KIF18A: variants seen among roughly 807,000 people sequenced by gnomAD.
KIF18A encodes the protein kinesin-like protein KIF18A.
In KIF18A, 67 loss-of-function variants were observed where a neutral mutation model predicts 103.3. The observed-to-expected ratio is 0.65, with a 90% CI of 0.53 to 0.79. The LOEUF (loss-of-function observed/expected upper bound fraction) is 0.79. Among genes scored for constraint, KIF18A ranks in the 30% least tolerant of loss-of-function variants. The pLI, the probability that KIF18A is intolerant of heterozygous loss-of-function variation, is 0.00. For synonymous variants in KIF18A, 367 were observed against 355.5 expected (o/e 1.03, Z -0.36); for missense variants, 1,032 against 1,062.5 (o/e 0.97, Z 0.40).
At chr11:28,066,782 A>AATTCT (rs1554972590) in intron 11 of KIF18A, among the ~76,000 whole-genome samples, 1 of 142,450 alleles carries the variant, frequency 7.0e-6, no homozygotes, top group Non-Finnish European at 1.5e-5. Context: ...CTGGAAGAGA[A>AATTCT]ATTATATTAT....
intron 13 of KIF18A, among the ~76,000 whole-genome samples, chr11:28,044,919 C>T (rs892830161): frequency 5.9e-5 from 9 of 151,900 alleles, no homozygotes; most frequent in Non-Finnish European, 1.2e-4. Context: ...ACAGTGAAAT[C>T]ATAATGAAAA....
At chr11:28,097,133 C>T (rs1851386146) in intron 2 of KIF18A, among the ~76,000 whole-genome samples, 1 of 151,878 alleles carries the variant, frequency 6.6e-6, no homozygotes, top group Non-Finnish European at 1.5e-5. Flanking sequence ...AGTGTAGTAC[C>T]CCATAGGTAG....
chr11:28,053,711 T>C (rs932407908), intron 13 of KIF18A, among the ~76,000 whole-genome samples: 1 of 151,820 alleles, frequency 6.6e-6, no homozygotes, highest in Non-Finnish European at 1.5e-5. Flanking sequence ...TGTGTCCATG[T>C]GTTCTCCGAG....
chr11:28,057,488 C>G (rs560594093), intron 13 of KIF18A, among the ~76,000 whole-genome samples: 2 of 152,102 alleles, frequency 1.3e-5, no homozygotes, highest in South Asian at 4.2e-4. Flanking sequence ...GCACTCCAGC[C>G]TGGGTGACAG....
chr11:28,083,388 AG>A (rs1851189694), intron 7 of KIF18A, 145 bp from the exon 8 acceptor site: 1 of 872,616 alleles, frequency 1.1e-6, no homozygotes, highest in Non-Finnish European at 1.6e-6. Flanking sequence ...ATCTATGACA[AG>A]AGGATCTGCT....
intron 6 of KIF18A, among the ~76,000 whole-genome samples, chr11:28,087,875 T>A (rs546111087): frequency 6.6e-6 from 1 of 152,216 alleles, no homozygotes; most frequent in Non-Finnish European, 1.5e-5. Context: ...AGCTAAAGCT[T>A]TCGAGTATGG....
Position 28,035,441 on chromosome 11 carries a change from A to T in KIF18A, c.2450T>A (p.Val817Glu), listed in dbSNP as rs1469129303. 1.2e-6 allele frequency: 2 copies of T among 1,604,278 alleles called. No individual in the cohort carries two copies. Among genetic ancestry groups the T allele is most frequent in the South Asian group, 1.1e-5 (1 of 89,098 alleles). ...TKHSMPVPSM[V>E]PSYMAMTTAA... ...AGTAGTCATTGCCATGTAGGATGGC[A>T]CCATGCTTGGTACAGGCATAGAATG... The change falls in exon 15 of 17, where the codon GTG (valine) becomes GAG (glutamate). Residue 817 changes from valine (V) to glutamate (E), a missense_variant. Physicochemically the swap from Val to Glu is moderately radical, Grantham distance 121. Coordinates refer to ENST00000263181, the MANE Select transcript of KIF18A (RefSeq NM_031217.4).
At chr11:28,077,314 C>G in intron 9 of KIF18A, 145 bp from the exon 10 acceptor site, 1 of 513,596 alleles carries the variant, frequency 1.9e-6, no homozygotes, top group Non-Finnish European at 3.3e-6. Flanking sequence ...GTAAAAATGA[C>G]TATTTCCTAT....
In KIF18A at chr11:28,097,665, T is replaced by C. The variant is rs770587385; in HGVS notation, c.283A>G (p.Lys95Glu). 2 of 1,611,528 alleles carry C rather than the reference T, an allele frequency of 1.2e-6. No homozygotes were observed. The highest frequency in any genetic ancestry group is 1.7e-6 in the Non-Finnish European group (2 of 1,178,144). ...TTCAAAAAACTACGAAGAATTGGCT[T>C]AGTAGTGTGTTCAAAAACTTCTGAC... ...TQSEVFEHTT[K>E]PILRSFLNGY... The change falls in exon 2 of 17, where the codon AAG (lysine) becomes GAG (glutamate). Residue 95 changes from lysine (K) to glutamate (E), a missense_variant. By Grantham distance (56) the Lys-to-Glu change is moderately conservative. Coordinates refer to ENST00000263181, the MANE Select transcript of KIF18A (RefSeq NM_031217.4).
intron 3 of KIF18A, among the ~76,000 whole-genome samples, chr11:28,093,038 C>A (rs755353689): frequency 6.6e-6 from 1 of 152,138 alleles, no homozygotes; most frequent in Non-Finnish European, 1.5e-5. Context: ...AGTGTGAGGC[C>A]TAGGCCTATT....
intron 13 of KIF18A, among the ~76,000 whole-genome samples, chr11:28,057,864 C>A (rs1273560128): frequency 1.3e-5 from 2 of 151,988 alleles, no homozygotes. Flanking sequence ...CATGTATGCA[C>A]CCTAAAAATG....
chr11:28,078,587 T>C (rs1179763663), intron 9 of KIF18A, among the ~76,000 whole-genome samples: 2 of 152,126 alleles, frequency 1.3e-5, no homozygotes, highest in Admixed American at 1.3e-4. Flanking sequence ...TAAGCAAACA[T>C]TCAAGTTAAA....
At chr11:28,021,608 T>C (rs900238544) in intron 16 of KIF18A, among the ~76,000 whole-genome samples, 13 of 152,204 alleles carry the variant, frequency 8.5e-5, no homozygotes, top group African/African-American at 3.1e-4. Flanking sequence ...CATTTCTTCA[T>C]TTTCTTTGTT....
intron 2 of KIF18A, among the ~76,000 whole-genome samples, chr11:28,095,544 G>A (rs2133563954): frequency 6.6e-6 from 1 of 152,294 alleles, no homozygotes; most frequent in East Asian, 1.9e-4. Flanking sequence ...CAGAGGCCAT[G>A]TATCCTTATC....
chr11:28,068,427 TAAAGTTA>T (rs1850965637), intron 11 of KIF18A, among the ~76,000 whole-genome samples: 1 of 134,758 alleles, frequency 7.4e-6, no homozygotes, highest in East Asian at 2.3e-4. Flanking sequence ...TCCCAGAACT[TAAAGTTA>T]AAAAAAAAAA....
intron 9 of KIF18A, among the ~76,000 whole-genome samples, chr11:28,079,271 A>G (rs1851132125): frequency 6.6e-6 from 1 of 152,054 alleles, no homozygotes; most frequent in South Asian, 2.1e-4. Flanking sequence ...AAATTTGAGA[A>G]GCTGGAGAAT....
At chr11:28,080,369 A>C (rs1176985976) in intron 9 of KIF18A, among the ~76,000 whole-genome samples, 3 of 149,512 alleles carry the variant, frequency 2.0e-5, no homozygotes, top group African/African-American at 7.4e-5. Context: ...TTTTTTTTAA[A>C]CAAACTGAAG....
At chr11:28,072,041 A>G (rs569863999) in intron 10 of KIF18A, among the ~76,000 whole-genome samples, 1 of 152,248 alleles carries the variant, frequency 6.6e-6, no homozygotes, top group African/African-American at 2.4e-5. Flanking sequence ...GATGGTTCTC[A>G]GAGGACATTT....
At chr11:28,028,182 T>A (rs1362104789) in intron 15 of KIF18A, among the ~76,000 whole-genome samples, 1 of 152,036 alleles carries the variant, frequency 6.6e-6, no homozygotes, top group African/African-American at 2.4e-5. Context: ...GCGGACTTAA[T>A]AGACGTCTAC....
Sources: gnomAD v4.1 joint callset for allele counts (sites outside exome capture counted in the v4.1 genomes callset) on GRCh38, gnomAD v4.1.1 for gene constraint, MANE v1.5 for transcripts, NCBI Gene and HGNC (gene_info 2026-07-23, HGNC 2026-07-21) for gene names.